TACC2: variants seen among roughly 807,000 people sequenced by gnomAD.
The protein encoded by TACC2 is transforming acidic coiled-coil-containing protein 2.
A neutral mutation model predicts 227.3 loss-of-function variants in TACC2; 137 were observed. The observed-to-expected ratio is 0.60, with a 90% confidence interval of 0.52 to 0.69. TACC2 has a LOEUF of 0.69. TACC2 is among the 30% of genes least tolerant of loss of function. The pLI, the probability that TACC2 is intolerant of heterozygous loss-of-function variation, is 0.00. For synonymous variants in TACC2, 1,523 were observed against 1,487.5 expected, an observed-to-expected ratio of 1.02 and a Z score of -0.55; for missense variants, 3,470 against 3,694.4, an observed-to-expected ratio of 0.94 and a Z score of 1.57.
At chr10:122,213,266 A>G (rs2095334028) in intron 9 of TACC2, 2 of 1,489,506 alleles carry the variant, frequency 1.3e-6, no homozygotes, top group Admixed American at 3.4e-5. Flanking sequence ...CCCATTAATA[A>G]CCAGTTGTCT....
At chr10:122,054,084 G>A (rs186862227) in intron 3 of TACC2, among the ~76,000 whole-genome samples, 2 of 152,306 alleles carry the variant, frequency 1.3e-5, no homozygotes, top group Admixed American at 6.5e-5. Context: ...GAGGTAGAAA[G>A]TCCATTGTTT....
rs2091933248 is a variant in TACC2, at chr10:122,150,562, G to T, written c.5834+6856G>T. On this transcript the variant is annotated intron_variant, in intron 7 of 22. Coordinates refer to ENST00000369005, the MANE Select transcript of TACC2 (RefSeq NM_206862.4). The surrounding 1 kb of genome is among the most constrained non-coding windows in gnomAD (Gnocchi z 4.0). ...AGACCCAGTGGAGGTGCAGAAAGAG[G>T]GGTGGCCAGGAGACGGCTGGTCACA... Among the ~76,000 whole-genome samples, 1 of 152,218 alleles carries T rather than the reference G, an allele frequency of 6.6e-6. No homozygotes were observed. The highest frequency in any genetic ancestry group is 2.4e-5 in the African/African-American group (1 of 41,460).
chr10:122,125,492 G>A lies in TACC2; in HGVS notation c.5574-7117G>A, dbSNP rs991291331. On this transcript the variant is annotated intron_variant, in intron 5 of 22. Transcript: ENST00000369005. The stretch of plus-strand genomic sequence containing the variant: ...CAGGATTACAGGCATGAGCCACCAT[G>A]CCCGTCCCATGACCTTTATGAGTAC... 1.2e-4 allele frequency among the ~76,000 whole-genome samples: 19 copies of A among 152,234 alleles called. No individual in the cohort carries two copies. In the South Asian group the frequency reaches 2.1e-3, roughly 17 times the overall value.
At chr10:122,004,403 A>G (rs1486250214) in intron 1 of TACC2, among the ~76,000 whole-genome samples, 2 of 151,764 alleles carry the variant, frequency 1.3e-5, no homozygotes, top group Admixed American at 1.3e-4. Flanking sequence ...GTCTCAAAAA[A>G]AAAAAAAAAA....
chr10:122,050,601 A>C lies in TACC2; in HGVS notation c.146+51A>C, dbSNP rs1006197747. 2 of 1,411,172 alleles carry C rather than the reference A, an allele frequency of 1.4e-6. No individual in the cohort carries two copies. The highest frequency in any genetic ancestry group is 2.0e-6 in the Non-Finnish European group (2 of 1,002,932). The allele number at this position is 1,411,172 out of a possible 1,614,324, so 87.4% of individuals were successfully genotyped here. On this transcript the variant is annotated intron_variant, in intron 3 of 22. Transcript: ENST00000369005. This position sits in a 1 kb window ranked among gnomAD's most constrained non-coding sequence, Gnocchi z 4.6. ...ATGCAGCCCAAGGACTGCCCCGCTC[A>C]TTGCCTGCTCCAGCATTAGCTTTGC...
chr10:122,069,854 C>G lies in TACC2; in HGVS notation c.147-12793C>G, dbSNP rs114982637. On this transcript the variant is annotated intron_variant, in intron 3 of 22. Transcript: ENST00000369005. ...CTCCCTTCAAGAGCTCCTTGTATCA[C>G]CGACACTTGCAGTCTCCCCTCTGTC... Among the ~76,000 whole-genome samples the G allele has an allele frequency of 1.0e-2, 1,523 of 152,310 alleles. 29 individuals carry two copies. The highest frequency in any genetic ancestry group is 0.035 in the African/African-American group (1,467 of 41,562).
At position 122,054,246 on chromosome 10, in the gene TACC2, C is replaced by T. The variant is rs76753521; in HGVS notation, c.146+3696C>T. Among the ~76,000 whole-genome samples, 1,348 of 152,320 alleles carry T rather than the reference C, an allele frequency of 8.8e-3. 15 individuals carry two copies. Among genetic ancestry groups the T allele is most frequent in the African/African-American group, 0.031 (1,273 of 41,572 alleles). Reference sequence around the variant, plus strand: ...GTGGCGCTGTTGTAACTTAGCCCAGCGTAGTTCAACCATCCAGAGTCTGGG... The same window carrying T: ...GTGGCGCTGTTGTAACTTAGCCCAGTGTAGTTCAACCATCCAGAGTCTGGG... On this transcript the variant is annotated intron_variant, in intron 3 of 22. Transcript: ENST00000369005.
chr10:122,151,059 A>C (rs2091988619), intron 7 of TACC2, among the ~76,000 whole-genome samples: 1 of 152,182 alleles, frequency 6.6e-6, no homozygotes, highest in South Asian at 2.1e-4. Context: ...TGAGTAGTAA[A>C]TGTACATGAA....
At chr10:122,253,484 C>A (rs1358224525) in intron 22 of TACC2, among the ~76,000 whole-genome samples, 1 of 152,152 alleles carries the variant, frequency 6.6e-6, no homozygotes, top group Non-Finnish European at 1.5e-5. Context: ...CCCCCCACCC[C>A]CCATGACCCT....
chr10:122,211,237 A>C lies in TACC2; in HGVS notation c.6812A>C (p.Glu2271Ala). The C allele has an allele frequency of 1.2e-6, 2 of 1,614,130 alleles. No individual in the cohort carries two copies. Among genetic ancestry groups the C allele is most frequent in the Non-Finnish European group, 1.7e-6 (2 of 1,180,018 alleles). ...GTAAGGCTGGAGTTTGACTATTCTG[A>C]GGACAAGAGTAGTTGGGACAACCAG... ...LSVRLEFDYSEDKSSWDNQQE... is the reference protein window; with the variant it reads ...LSVRLEFDYSADKSSWDNQQE... The change falls in exon 9 of 23, where the codon GAG becomes GCG. Residue 2271 changes from glutamate (E) to alanine (A), a missense_variant. Transcript: ENST00000369005.
chr10:122,137,145 G>A (rs1397048868), intron 6 of TACC2, among the ~76,000 whole-genome samples: 1 of 152,108 alleles, frequency 6.6e-6, no homozygotes, highest in Non-Finnish European at 1.5e-5. Context: ...TCTTTCCTCA[G>A]GGAAGAGCTG....
chr10:122,135,390 A>G (rs1592441208), intron 6 of TACC2, among the ~76,000 whole-genome samples: 1 of 152,368 alleles, frequency 6.6e-6, no homozygotes, highest in East Asian at 1.9e-4. Flanking sequence ...CAGAGGTGTC[A>G]GTGCTGAGAA....
At chr10:122,222,783 G>A (rs184937072) in intron 11 of TACC2, among the ~76,000 whole-genome samples, 1 of 152,300 alleles carries the variant, frequency 6.6e-6, no homozygotes, top group Admixed American at 6.5e-5. Flanking sequence ...TGCTCGTTTG[G>A]TGTGTCCTGG....
At chr10:122,090,448 G>A (rs2080640705) in intron 5 of TACC2, among the ~76,000 whole-genome samples, 1 of 150,616 alleles carries the variant, frequency 6.6e-6, no homozygotes, top group Non-Finnish European at 1.5e-5. Context: ...TCGGGAGGCT[G>A]AGGCAGGAGA....
chr10:122,142,302 C>T (rs2090704521), intron 6 of TACC2, among the ~76,000 whole-genome samples: 1 of 152,238 alleles, frequency 6.6e-6, no homozygotes, highest in African/African-American at 2.4e-5. Context: ...CCTCTGCCTG[C>T]TGTGGGCGGC....
intron 2 of TACC2, among the ~76,000 whole-genome samples, chr10:122,042,147 G>A (rs1444682701): frequency 3.3e-5 from 5 of 152,098 alleles, no homozygotes; most frequent in African/African-American, 7.2e-5. Flanking sequence ...GGGTTTCACC[G>A]TGTTAGCCAG....
intron 19 of TACC2, chr10:122,247,055 G>A (rs545929533): frequency 1.5e-3 from 236 of 152,744 alleles, no homozygotes; most frequent in Non-Finnish European, 2.7e-3. Context: ...TGGGAGGGTA[G>A]AGGGCAGAGC....
At chr10:122,088,298 A>C (rs552449728) in intron 4 of TACC2, among the ~76,000 whole-genome samples, 180 bp from the exon 5 acceptor site, 35 of 152,074 alleles carry the variant, frequency 2.3e-4, no homozygotes, top group Non-Finnish European at 4.6e-4. Context: ...TCTGGAGTCC[A>C]GATACATCTG....
intron 5 of TACC2, among the ~76,000 whole-genome samples, chr10:122,098,477 G>A (rs1036243686): frequency 3.9e-5 from 6 of 152,268 alleles, no homozygotes; most frequent in Non-Finnish European, 8.8e-5. Flanking sequence ...TTGGAGGCAG[G>A]TGGCTGCGTC....
Sources: allele counts gnomAD v4.1 joint callset (sites outside exome capture counted in the v4.1 genomes callset), GRCh38; gene constraint gnomAD v4.1.1; non-coding constraint Gnocchi (gnomAD v3.1); transcripts MANE v1.5; gene names NCBI Gene and HGNC (gene_info 2026-07-23, HGNC 2026-07-21).